DBN1: variants seen among roughly 807,000 people sequenced by gnomAD.
The protein encoded by DBN1 is drebrin 1.
A neutral mutation model predicts 83.5 loss-of-function variants in DBN1; 21 were observed. The observed-to-expected ratio is 0.25, with a 90% CI of 0.18 to 0.36. The LOEUF is 0.36. Among genes scored for constraint, DBN1 ranks in the 10% least tolerant of loss-of-function variants. The pLI, the probability that DBN1 is intolerant of heterozygous loss-of-function variation, is 1.00. For missense variants in DBN1, 874 were observed against 935.7 expected (o/e 0.93, Z 0.86); for synonymous variants, 381 against 384.9 (o/e 0.99, Z 0.12).
intron 1 of DBN1, among the ~76,000 whole-genome samples, chr5:177,469,947 C>A (rs1581736705): frequency 6.6e-6 from 1 of 151,852 alleles, no homozygotes; most frequent in East Asian, 1.9e-4. Flanking sequence ...AAAGGGAGGG[C>A]AAGGGAGAAG....
At chr5:177,462,223 C>T in intron 8 of DBN1, 3 of 985,324 alleles carry the variant, frequency 3.0e-6, no homozygotes, top group South Asian at 9.4e-5. Context: ...CCCCAAGGCT[C>T]CCACATACTG....
chr5:177,469,046 G>GC (rs1581735165), intron 1 of DBN1, 147 bp from the exon 2 acceptor site: 2 of 483,006 alleles, frequency 4.1e-6, no homozygotes, highest in South Asian at 6.9e-5. Flanking sequence ...ACAGGGCCAG[G>GC]CATCGGTTCA....
chr5:177,472,532 G>A (rs948023181), intron 1 of DBN1: 2 of 723,966 alleles, frequency 2.8e-6, no homozygotes, highest in Non-Finnish European at 1.9e-6. Flanking sequence ...AGCTCAGCGG[G>A]AGACAACAGC....
chr5:177,460,834 C>T, intron 8 of DBN1, 131 bp from the exon 9 acceptor site: 1 of 896,538 alleles, frequency 1.1e-6, no homozygotes, highest in Non-Finnish European at 1.7e-6. Context: ...GGCTGGGGAG[C>T]AGTGGTACAA....
chr5:177,465,358 A>G (rs1296409742), intron 8 of DBN1, among the ~76,000 whole-genome samples: 1 of 152,212 alleles, frequency 6.6e-6, no homozygotes, highest in Non-Finnish European at 1.5e-5. Context: ...GATTCCACTG[A>G]TAGGCAGTCT....
rs1405102383 is a variant in DBN1, at chr5:177,473,525, T to C, written c.-4A>G. Reference sequence around the variant, plus strand: ...CGCTGAAGCTGACGCCGGCCATGCTTCGGGCCGGACCGGGCCGAACGGACA... The same window carrying C: ...CGCTGAAGCTGACGCCGGCCATGCTCCGGGCCGGACCGGGCCGAACGGACA... On this transcript the variant is annotated 5_prime_UTR_variant, in exon 1 of 15. Transcript: ENST00000393565. 4 of 1,412,310 alleles carry C rather than the reference T, an allele frequency of 2.8e-6. No homozygotes were observed. Among genetic ancestry groups the C allele is most frequent in the Non-Finnish European group, 9.3e-7 (1 of 1,073,566 alleles). 87.5% of individuals were successfully genotyped at this position (1,412,310 alleles called of 1,614,324 possible).
chr5:177,462,816 T>C (rs989949082), intron 8 of DBN1, among the ~76,000 whole-genome samples: 5 of 152,150 alleles, frequency 3.3e-5, no homozygotes, highest in Admixed American at 3.3e-4. Context: ...AGTGATAACT[T>C]TGTGACCCCC....
In DBN1 at chr5:177,462,265, G is replaced by A. The variant is rs924350674; in HGVS notation, c.772-1562C>T. On this transcript the variant is annotated intron_variant, in intron 8 of 14. Coordinates refer to ENST00000393565, the MANE Select transcript of DBN1 (RefSeq NM_001363541.2). ...GTAGACATCAAGTCCTCAGCACGAC[G>A]CAGTCAGTTCCCAGAACAGGCACAC... The A allele has an allele frequency of 1.8e-5, 18 of 985,036 alleles. No homozygotes were observed. The South Asian group carries it at 2.8e-4, about 15-fold the overall frequency. 61.0% of individuals were successfully genotyped at this position (985,036 alleles called of 1,614,324 possible).
Position 177,466,883 on chromosome 5 carries a change from CT to C in DBN1, c.707+27del, listed in dbSNP as rs766008513. ...CCCGTCAGGGTGCGCCCGGGGGCCC[CT>C]GGAGCGCTCCGGGCGGGCAGGCTCA... On this transcript the variant is annotated intron_variant, in intron 7 of 14. Coordinates refer to ENST00000393565, the MANE Select transcript of DBN1 (RefSeq NM_001363541.2). The surrounding 1 kb of genome is among the most constrained non-coding windows in gnomAD (Gnocchi z 4.8). The C allele has an allele frequency of 1.2e-6, 2 of 1,613,696 alleles. No homozygotes were observed. Among genetic ancestry groups the C allele is most frequent in the African/African-American group, 2.7e-5 (2 of 75,040 alleles).
In DBN1 at chr5:177,458,445, A is replaced by G. The variant is rs770603677; in HGVS notation, c.1527T>C (p.Thr509=). 1 of 1,614,172 alleles carries G rather than the reference A, an allele frequency of 6.2e-7. No individual in the cohort carries two copies. The highest frequency in any genetic ancestry group is 8.5e-7 in the Non-Finnish European group (1 of 1,179,994). The part of the protein sequence containing the change: ...IETDTATADT[T]VANNVPPAAT... Reference sequence around the variant, plus strand: ...CGGCGGGGGGTACGTTGTTGGCAACAGTGGTGTCAGCAGTGGCAGTGTCAG... The same window carrying G: ...CGGCGGGGGGTACGTTGTTGGCAACGGTGGTGTCAGCAGTGGCAGTGTCAG... Residue 509 remains threonine (T), a synonymous_variant, in exon 13 of 15, where the codon ACT becomes ACC. Transcript: ENST00000393565.
chr5:177,472,474 A>C (rs1581740962), intron 1 of DBN1: 1 of 1,221,226 alleles, frequency 8.2e-7, no homozygotes, highest in Non-Finnish European at 1.0e-6. Flanking sequence ...TCCTTTTTCC[A>C]CCACCCTGGG....
In DBN1 at chr5:177,457,261, C is replaced by G; in HGVS notation, c.*172G>C. On this transcript the variant is annotated 3_prime_UTR_variant, in exon 15 of 15. Coordinates refer to ENST00000393565, the MANE Select transcript of DBN1 (RefSeq NM_001363541.2). The stretch of plus-strand genomic sequence containing the variant: ...TCAACTTTTTAAAAAAAGAGAAAAG[C>G]TGTAAAAGTCAGGCCCTGTGGGTAG... The G allele has an allele frequency of 1.6e-6, 1 of 637,382 alleles. No individual in the cohort carries two copies. 39.5% of individuals were successfully genotyped at this position (637,382 alleles called of 1,614,324 possible).
chr5:177,458,087 C>T lies in DBN1; in HGVS notation c.1885G>A (p.Gly629Ser). The T allele has an allele frequency of 6.2e-7, 1 of 1,613,828 alleles. No homozygotes were observed. Among genetic ancestry groups the T allele is most frequent in the Non-Finnish European group, 8.5e-7 (1 of 1,180,022 alleles). The change falls in exon 13 of 15, where the codon GGC becomes AGC. Residue 629 changes from glycine to serine, a missense_variant. Coordinates refer to ENST00000393565, the MANE Select transcript of DBN1 (RefSeq NM_001363541.2). ...GTCCCCTCCTTCTGGGTGGTCTCGCCATTGGTTAGCAGGTGGGGCTCCGGC... is the reference window on the plus strand; with the variant it reads ...GTCCCCTCCTTCTGGGTGGTCTCGCTATTGGTTAGCAGGTGGGGCTCCGGC... ...QEPEPHLLTN[G>S]ETTQKEGTQA...
At chr5:177,464,453 T>TA (rs199901699) in intron 8 of DBN1, among the ~76,000 whole-genome samples, 9,999 of 144,938 alleles carry the variant, frequency 0.069, 783 homozygotes, top group African/African-American at 0.19. Flanking sequence ...CTCAAAAAAA[T>TA]AAAAATAAAT....
chr5:177,469,220 G>A (rs1449371862), intron 1 of DBN1, among the ~76,000 whole-genome samples: 2 of 152,078 alleles, frequency 1.3e-5, no homozygotes, highest in Non-Finnish European at 2.9e-5. Flanking sequence ...CCAAGGCGAC[G>A]GTTCCTTGGT....
chr5:177,461,903 G>A (rs1300373401), intron 8 of DBN1, among the ~76,000 whole-genome samples: 1 of 152,130 alleles, frequency 6.6e-6, no homozygotes, highest in Non-Finnish European at 1.5e-5. Context: ...TTTAAACCAT[G>A]TTCATTAGTT....
At chr5:177,472,352 T>C in intron 1 of DBN1, 2 of 1,490,816 alleles carry the variant, frequency 1.3e-6, no homozygotes, top group Non-Finnish European at 1.8e-6. Context: ...CCTGTTCCCA[T>C]CTGCCAGCAG....
At position 177,467,716 on chromosome 5, in the gene DBN1, C is replaced by T; in HGVS notation, c.330+27G>A. 1 of 1,552,446 alleles carries T rather than the reference C, an allele frequency of 6.4e-7. No individual in the cohort carries two copies. Among genetic ancestry groups the T allele is most frequent in the Non-Finnish European group, 8.7e-7 (1 of 1,147,800 alleles). On this transcript the variant is annotated intron_variant, in intron 4 of 14. Transcript: ENST00000393565. The surrounding 1 kb of genome is among the most constrained non-coding windows in gnomAD (Gnocchi z 9.1). ...CAGACCCTGGTGGCTGTCCCCACCC[C>T]CAAGAGCGCTGGCCCCTGACACGCA...
chr5:177,461,835 C>T (rs1320181750), intron 8 of DBN1, among the ~76,000 whole-genome samples: 2 of 152,186 alleles, frequency 1.3e-5, no homozygotes, highest in Non-Finnish European at 2.9e-5. Context: ...CCATGAGCCA[C>T]AGCAAGCACT....
Sources: allele counts gnomAD v4.1 joint callset (sites outside exome capture counted in the v4.1 genomes callset), GRCh38; gene constraint gnomAD v4.1.1; non-coding constraint Gnocchi (gnomAD v3.1); transcripts MANE v1.5; gene names NCBI Gene and HGNC (gene_info 2026-07-23, HGNC 2026-07-21).